Variants in DMD observed in about 807,000 individuals in gnomAD.
DMD encodes dystrophin.
DMD carries 63 observed loss-of-function variants against 330.1 expected under a neutral mutation model. The observed-to-expected ratio is 0.19, with a 90% CI of 0.16 to 0.24. DMD has a LOEUF of 0.24. Among genes scored for constraint, DMD ranks in the 10% least tolerant of loss-of-function variants. The pLI is 1.00. For synonymous variants in DMD, 1,223 were observed against 959.8 expected, an observed-to-expected ratio of 1.27 and a Z score of -5.07; for missense variants, 3,344 against 2,684.1, an observed-to-expected ratio of 1.25 and a Z score of -5.43.
At chrX:32,806,267 A>T (rs1036571452) in intron 7 of DMD, among the ~76,000 whole-genome samples, 9 of 111,947 alleles carry the variant, frequency 8.0e-5, no homozygotes, top group Non-Finnish European at 1.3e-4. Flanking sequence ...AAGCAAAAAA[A>T]ATAAAAGCAG....
intron 67 of DMD, among the ~76,000 whole-genome samples, chrX:31,191,459 A>T (rs1198850776): frequency 9.0e-6 from 1 of 111,516 alleles, no homozygotes; most frequent in Non-Finnish European, 1.9e-5. Context: ...AACTCCCACA[A>T]TTCCCACATG....
chrX:32,389,520 G>A lies in DMD; in HGVS notation c.4499C>T (p.Ser1500Leu). The change falls in exon 32 of 79, where the codon TCA (serine) becomes TTA (leucine). Residue 1500 changes from serine to leucine, a missense_variant. Ser to Leu is a moderately radical substitution (Grantham distance 145). Coordinates refer to ENST00000357033, the MANE Select transcript of DMD (RefSeq NM_004006.3). ...ACATACCACACAATGATTTAGCTGT[G>A]ACTGTACTACTTCCTGTTCCACACT... is the stretch of plus-strand genomic sequence containing the variant. ...TKSVEQEVVQSQLNHCVNLYK... is the reference protein window; with the variant it reads ...TKSVEQEVVQLQLNHCVNLYK... The A allele has an allele frequency of 8.3e-7, 1 of 1,211,126 alleles. No homozygotes were observed. The highest frequency in any genetic ancestry group is 1.1e-6 in the Non-Finnish European group (1 of 895,015).
At chrX:32,913,291 T>C (rs140459196) in intron 2 of DMD, among the ~76,000 whole-genome samples, 270 of 112,442 alleles carry the variant, frequency 2.4e-3, no homozygotes, top group African/African-American at 7.9e-3. Context: ...AATATGTGTC[T>C]ACATAATACA....
At chrX:31,396,645 G>C (rs911583396) in intron 60 of DMD, among the ~76,000 whole-genome samples, 4 of 104,107 alleles carry the variant, frequency 3.8e-5, no homozygotes, top group African/African-American at 1.4e-4. Flanking sequence ...TTCAATCCTG[G>C]ACTGTAGGCA....
intron 9 of DMD, among the ~76,000 whole-genome samples, chrX:32,648,409 C>G (rs1159735239): frequency 8.9e-6 from 1 of 111,737 alleles, no homozygotes; most frequent in Non-Finnish European, 1.9e-5. Flanking sequence ...AGAATCCATT[C>G]ATGGTTCATA....
chrX:33,289,161 G>A lies in DMD; in HGVS notation c.7+50098C>T, dbSNP rs184050080. Among the ~76,000 whole-genome samples the A allele has an allele frequency of 1.9e-3, 213 of 111,098 alleles. 2 individuals are homozygous for A. Among genetic ancestry groups the A allele is most frequent in the African/African-American group, 6.5e-3 (198 of 30,646 alleles). ...TGCTGCAGGAAAATAACTTTGAATT[G>A]CAAGTATAAAGAAAATTTTCTGAGC... On this transcript the variant is annotated intron_variant, in intron 1 of 17. Coordinates refer to the DMD transcript ENST00000288447.
intron 28 of DMD, 139 bp downstream of exon 28, chrX:32,441,041 C>G: frequency 1.5e-6 from 1 of 681,075 alleles, no homozygotes; most frequent in Admixed American, 3.5e-5. Flanking sequence ...AAGGCTTTAT[C>G]CAAAGTACCA....
intron 49 of DMD, among the ~76,000 whole-genome samples, chrX:31,825,126 T>C (rs2092864777): frequency 9.0e-6 from 1 of 111,407 alleles, no homozygotes; most frequent in Admixed American, 9.6e-5. Context: ...GACTAGTGAG[T>C]AATATATTTG....
intron 1 of DMD, among the ~76,000 whole-genome samples, chrX:33,200,785 G>A (rs1248588539): frequency 9.1e-6 from 1 of 110,043 alleles, no homozygotes; most frequent in Non-Finnish European, 1.9e-5. Context: ...CTTATCCAAA[G>A]ATCAATAACC....
At chrX:31,703,497 C>G (rs2083961737) in intron 52 of DMD, among the ~76,000 whole-genome samples, 1 of 112,053 alleles carries the variant, frequency 8.9e-6, no homozygotes, top group African/African-American at 3.2e-5. Context: ...CTGATAATTC[C>G]CTTTCACCCT....
At chrX:32,071,185 T>C (rs1014005134) in intron 44 of DMD, among the ~76,000 whole-genome samples, 1 of 110,402 alleles carries the variant, frequency 9.1e-6, no homozygotes, top group African/African-American at 3.3e-5. Context: ...TACCCAGTAA[T>C]GGGATGGCTG....
At chrX:31,987,236 C>T (rs6631452) in intron 44 of DMD, among the ~76,000 whole-genome samples, 37,716 of 110,848 alleles carry the variant, frequency 0.34, 4,606 homozygotes, top group South Asian at 0.41. Context: ...AAGACCTTTA[C>T]TTGATCAAAT....
chrX:32,315,981 A>T (rs1001550409), intron 41 of DMD, among the ~76,000 whole-genome samples: 2 of 111,622 alleles, frequency 1.8e-5, no homozygotes, highest in African/African-American at 6.5e-5. Flanking sequence ...ATTTTTTACA[A>T]ACTTTTAAAT....
chrX:31,398,053 GTGCAA>G lies in DMD; in HGVS notation c.9084+46423_9084+46427del, dbSNP rs2061024124. On this transcript the variant is annotated intron_variant, in intron 60 of 78. Coordinates refer to ENST00000357033, the MANE Select transcript of DMD (RefSeq NM_004006.3). ...AGAAAAAGAACTGAGCACTTACTAT[GTGCAA>G]CACATATAGTATGTACTGTGTTATG... Among the ~76,000 whole-genome samples the G allele has an allele frequency of 8.0e-5, 9 of 112,504 alleles. No homozygotes were observed. In the Admixed American group the frequency reaches 8.5e-4, roughly 11 times the overall value.
chrX:31,724,522 T>C (rs2085856069), intron 52 of DMD, among the ~76,000 whole-genome samples: 1 of 111,892 alleles, frequency 8.9e-6, no homozygotes, highest in South Asian at 3.7e-4. Context: ...TAAATTTCTC[T>C]AAGAATTCTG....
intron 2 of DMD, among the ~76,000 whole-genome samples, chrX:32,875,720 C>CA (rs775915289): frequency 8.9e-6 from 1 of 112,083 alleles, no homozygotes; most frequent in East Asian, 2.8e-4. Context: ...AATTTCAATT[C>CA]AATCACTGCC....
Position 33,150,350 on chromosome X carries a change from A to G in DMD, c.31+60932T>C, listed in dbSNP as rs183850714. Among the ~76,000 whole-genome samples the G allele has an allele frequency of 5.7e-3, 553 of 97,368 alleles. 2 individuals carry two copies. Among genetic ancestry groups the G allele is most frequent in the African/African-American group, 0.02 (511 of 25,645 alleles). The allele number at this position is 97,368 out of a possible 115,157, so 84.6% of individuals were successfully genotyped here. A position where few individuals can be genotyped will look rare whatever the true frequency, so the allele number is the denominator to read the frequency against. Reference sequence around the variant, plus strand: ...CACTCTGTTGCCCAGGCTGGAGTGCAGTGGCGTGATCTCGGCTCACTGCAA... The same window carrying G: ...CACTCTGTTGCCCAGGCTGGAGTGCGGTGGCGTGATCTCGGCTCACTGCAA... On this transcript the variant is annotated intron_variant, in intron 1 of 78. Coordinates refer to ENST00000357033, the MANE Select transcript of DMD (RefSeq NM_004006.3).
At chrX:31,840,105 C>T (rs2093285176) in intron 48 of DMD, among the ~76,000 whole-genome samples, 1 of 111,242 alleles carries the variant, frequency 9.0e-6, no homozygotes, top group African/African-American at 3.3e-5. Context: ...TTAATGTGTC[C>T]CTCTGTCCCC....
At chrX:32,223,551 A>G (rs759838938) in intron 43 of DMD, among the ~76,000 whole-genome samples, 2 of 111,771 alleles carry the variant, frequency 1.8e-5, no homozygotes, top group Non-Finnish European at 3.8e-5. Flanking sequence ...ATTTCTGTAG[A>G]GTGTATATAT....
Sources: allele counts gnomAD v4.1 joint callset (sites outside exome capture counted in the v4.1 genomes callset), GRCh38; gene constraint gnomAD v4.1.1; transcripts MANE v1.5; gene names NCBI Gene and HGNC (gene_info 2026-07-23, HGNC 2026-07-21).